CDK6: variants seen among roughly 807,000 people sequenced by gnomAD.
CDK6 encodes the protein cyclin dependent kinase 6, also known as cyclin-dependent kinase 6.
Under a neutral mutation model 37.1 loss-of-function variants are expected in CDK6, and 6 were observed. The ratio of observed to expected loss-of-function variants is 0.16; its 90% CI spans 0.09 to 0.32. The LOEUF (loss-of-function observed/expected upper bound fraction) is 0.32. Ranked by LOEUF, CDK6 falls within the 10% of genes least tolerant of loss-of-function variation. The probability of loss-of-function intolerance (pLI) is 1.00; values close to 1 mark genes in which losing one functional copy is unlikely to be tolerated. For synonymous variants in CDK6, 160 were observed against 161.3 expected (o/e 0.99, Z 0.06); for missense variants, 224 against 418.9 (o/e 0.53, Z 4.06).
At chr7:92,710,634 T>C in intron 4 of CDK6, 1 of 896,728 alleles carries the variant, frequency 1.1e-6, no homozygotes, top group Non-Finnish European at 1.3e-6. Flanking sequence ...CAGAAAAAAA[T>C]CTGAAGATTC....
intron 5 of CDK6, among the ~76,000 whole-genome samples, chr7:92,664,332 C>T (rs117929543): frequency 3.7e-4 from 57 of 152,272 alleles, no homozygotes; most frequent in Admixed American, 6.5e-4. Flanking sequence ...CAGGCTAGGG[C>T]GTGCCTTCTG....
In CDK6 at chr7:92,610,608, T is replaced by C. The variant is rs1340615650; in HGVS notation, c.*4532A>G. On this transcript the variant is annotated 3_prime_UTR_variant, in exon 8 of 8. Coordinates refer to ENST00000424848, the MANE Select transcript of CDK6 (RefSeq NM_001145306.2). ...AAAATTGGGTTGTGAATTGCATTGATATAGAAAGGGAGTAAATAAGAAATG... is the reference window on the plus strand; with the variant it reads ...AAAATTGGGTTGTGAATTGCATTGACATAGAAAGGGAGTAAATAAGAAATG... 4.4e-6 allele frequency: 1 copy of C among 227,762 alleles called. No individual in the cohort carries two copies. Among genetic ancestry groups the C allele is most frequent in the African/African-American group, 2.2e-5 (1 of 45,116 alleles). 14.1% of individuals were successfully genotyped at this position (227,762 alleles called of 1,614,324 possible). A position where few individuals can be genotyped will look rare whatever the true frequency, so the allele number is the denominator to read the frequency against.
intron 5 of CDK6, among the ~76,000 whole-genome samples, chr7:92,655,894 C>T (rs73710428): frequency 1.8e-3 from 277 of 152,366 alleles, no homozygotes; most frequent in African/African-American, 5.9e-3. Context: ...CATACACACA[C>T]GCTCCTAAGC....
intron 2 of CDK6, among the ~76,000 whole-genome samples, chr7:92,800,366 G>A (rs1054747081): frequency 4.6e-5 from 7 of 152,106 alleles, no homozygotes; most frequent in Non-Finnish European, 8.8e-5. Context: ...CCATGTATAC[G>A]ATGTGTCTGT....
At chr7:92,704,615 T>A (rs1166239569) in intron 4 of CDK6, among the ~76,000 whole-genome samples, 3 of 152,342 alleles carry the variant, frequency 2.0e-5, no homozygotes, top group Admixed American at 6.5e-5. Context: ...TTTATTCCCC[T>A]CAATATTATT....
chr7:92,782,725 T>C (rs1800024929), intron 2 of CDK6, among the ~76,000 whole-genome samples: 1 of 152,220 alleles, frequency 6.6e-6, no homozygotes, highest in Non-Finnish European at 1.5e-5. Context: ...GATCTACCCC[T>C]GGATTTATTA....
At chr7:92,623,272 T>C (rs1316833753) in intron 5 of CDK6, among the ~76,000 whole-genome samples, 186 bp from the exon 6 acceptor site, 1 of 152,164 alleles carries the variant, frequency 6.6e-6, no homozygotes, top group African/African-American at 2.4e-5. Flanking sequence ...TGGGTTAGGA[T>C]CTCTCATGAA....
intron 4 of CDK6, among the ~76,000 whole-genome samples, chr7:92,714,879 T>A (rs1183044740): frequency 1.3e-5 from 2 of 152,186 alleles, no homozygotes; most frequent in African/African-American, 2.4e-5. Flanking sequence ...TTGGCCCATT[T>A]AACAAGGTCA....
At chr7:92,813,067 T>C (rs1800930404) in intron 2 of CDK6, among the ~76,000 whole-genome samples, 2 of 152,186 alleles carry the variant, frequency 1.3e-5, no homozygotes, top group African/African-American at 4.8e-5. Flanking sequence ...CTAACAACTT[T>C]TTTTGCCTTT....
At chr7:92,756,736 C>A (rs1799328111) in intron 3 of CDK6, among the ~76,000 whole-genome samples, 1 of 152,154 alleles carries the variant, frequency 6.6e-6, no homozygotes, top group Admixed American at 6.5e-5. Context: ...CTTTGGCCAT[C>A]CTGTTAAAGG....
chr7:92,836,477 C>G lies in CDK6; in HGVS notation c.-368+1G>C, dbSNP rs1801679893. 6.6e-6 allele frequency: 1 copy of G among 151,786 alleles called. No homozygotes were observed. The highest frequency in any genetic ancestry group is 6.6e-5 in the Admixed American group (1 of 15,258). The allele number at this position is 151,786 out of a possible 1,614,324, so 9.4% of individuals were successfully genotyped here. A position where few individuals can be genotyped will look rare whatever the true frequency, so the allele number is the denominator to read the frequency against. Reference sequence around the variant, plus strand: ...ACCCACCCGAGCGCACAGCTCCTCACCTGAGGGGCCCAGTCGCGTCGGGCC... The same window carrying G: ...ACCCACCCGAGCGCACAGCTCCTCAGCTGAGGGGCCCAGTCGCGTCGGGCC... On this transcript the variant is annotated splice_donor_variant, in intron 1 of 7. Transcript: ENST00000424848. LOFTEE classifies it low-confidence loss of function (5UTR_SPLICE).
chr7:92,682,123 T>C (rs1797351426), intron 4 of CDK6, among the ~76,000 whole-genome samples: 1 of 152,096 alleles, frequency 6.6e-6, no homozygotes, highest in African/African-American at 2.4e-5. Flanking sequence ...GCTTCCTCTG[T>C]GGTCTTTTCC....
intron 2 of CDK6, among the ~76,000 whole-genome samples, chr7:92,829,202 A>C (rs1229191708): frequency 6.6e-6 from 1 of 152,160 alleles, no homozygotes; most frequent in Non-Finnish European, 1.5e-5. Flanking sequence ...AAAGAGAGAA[A>C]ATTAGAAAAC....
At chr7:92,806,226 A>G (rs1228672906) in intron 2 of CDK6, among the ~76,000 whole-genome samples, 1 of 152,194 alleles carries the variant, frequency 6.6e-6, no homozygotes, top group African/African-American at 2.4e-5. Flanking sequence ...AGATAAACCT[A>G]GATAGTTGGG....
At chr7:92,671,211 C>A in intron 5 of CDK6, 2 of 364,950 alleles carry the variant, frequency 5.5e-6, no homozygotes, top group East Asian at 4.1e-5. Flanking sequence ...CCTTCCCAGG[C>A]AGAGTTTCCA....
At chr7:92,687,731 C>CGT (rs1797495232) in intron 4 of CDK6, among the ~76,000 whole-genome samples, 1 of 152,166 alleles carries the variant, frequency 6.6e-6, no homozygotes, top group South Asian at 2.1e-4. Flanking sequence ...CACATGTACA[C>CGT]ACCTATATAA....
intron 3 of CDK6, among the ~76,000 whole-genome samples, chr7:92,757,691 G>A (rs1426849201): frequency 2.6e-5 from 4 of 152,126 alleles, no homozygotes; most frequent in African/African-American, 7.2e-5. Flanking sequence ...TTGCTGGGTC[G>A]AATGGTAGTT....
intron 2 of CDK6, 146 bp from the exon 3 acceptor site, chr7:92,774,977 A>C: frequency 1.5e-6 from 1 of 688,038 alleles, no homozygotes; most frequent in Non-Finnish European, 2.3e-6. Context: ...AAAGATATCA[A>C]ATGAGATCTG....
chr7:92,698,028 TTG>T (rs1797760412), intron 4 of CDK6, among the ~76,000 whole-genome samples: 2 of 152,200 alleles, frequency 1.3e-5, no homozygotes, highest in South Asian at 4.1e-4. Context: ...TTTTAAGATG[TTG>T]TTTCTTATTT....
Sources: allele counts gnomAD v4.1 joint callset (sites outside exome capture counted in the v4.1 genomes callset), GRCh38; gene constraint gnomAD v4.1.1; transcripts MANE v1.5; gene names NCBI Gene and HGNC (gene_info 2026-07-23, HGNC 2026-07-21).